Variants in PIGB observed in about 807,000 individuals in gnomAD.
PIGB encodes the protein phosphatidylinositol glycan anchor biosynthesis class B.
A neutral mutation model predicts 68.4 loss-of-function variants in PIGB; 58 were observed. The ratio of observed to expected loss-of-function variants is 0.85; its 90% CI spans 0.69 to 1.06. The LOEUF is 1.06. PIGB is among the 50% of genes least tolerant of loss of function. PIGB has a pLI of 0.00. For missense variants in PIGB, 634 were observed against 655.8 expected, an observed-to-expected ratio of 0.97 and a Z score of 0.36; for synonymous variants, 219 against 220.5, an observed-to-expected ratio of 0.99 and a Z score of 0.06.
intron 9 of PIGB, among the ~76,000 whole-genome samples, chr15:55,348,906 C>T (rs1051792040): frequency 1.3e-5 from 2 of 152,180 alleles, no homozygotes; most frequent in Non-Finnish European, 2.9e-5. Context: ...TCTGCTGTGT[C>T]TGTGATTGGG....
At chr15:55,346,230 CT>C (rs2055791375) in intron 9 of PIGB, 1 of 152,192 alleles carries the variant, frequency 6.6e-6, no homozygotes, top group Non-Finnish European at 1.5e-5. Flanking sequence ...AAGGAACCAC[CT>C]CATGAAGTAT....
intron 3 of PIGB, among the ~76,000 whole-genome samples, chr15:55,321,636 ATAC>A (rs1426861548): frequency 7.2e-6 from 1 of 138,904 alleles, no homozygotes; most frequent in Non-Finnish European, 1.5e-5. Flanking sequence ...CATTAGAAGT[ATAC>A]TTCTTTCTTT....
chr15:55,350,782 A>G lies in PIGB; in HGVS notation c.1207A>G (p.Thr403Ala). Residue 403 changes from threonine (T) to alanine (A), a missense_variant, in exon 10 of 12, where the codon ACT (threonine) becomes GCT (alanine). Coordinates refer to ENST00000164305, the MANE Select transcript of PIGB (RefSeq NM_004855.5). Reference sequence around the variant, plus strand: ...ATCAAATTTGTTCCTCGCCCTTTATACTGGTTTAGTTCATCAACGAGGTAC... The same window carrying G: ...ATCAAATTTGTTCCTCGCCCTTTATGCTGGTTTAGTTCATCAACGAGGTAC... ...FLSNLFLALY[T>A]GLVHQRGTLD... The G allele has an allele frequency of 2.5e-6, 4 of 1,613,066 alleles. No individual in the cohort carries two copies. Among genetic ancestry groups the G allele is most frequent in the Non-Finnish European group, 3.4e-6 (4 of 1,179,206 alleles).
intron 10 of PIGB, among the ~76,000 whole-genome samples, chr15:55,351,309 G>A (rs1446518641): frequency 6.6e-6 from 1 of 151,564 alleles, no homozygotes; most frequent in Non-Finnish European, 1.5e-5. Flanking sequence ...GGGTTTCACC[G>A]TGTTAGCCAG....
chr15:55,319,411 G>C lies in PIGB; in HGVS notation c.161G>C (p.Gly54Ala). 2 of 1,551,660 alleles carry C rather than the reference G, an allele frequency of 1.3e-6. No homozygotes were observed. Among genetic ancestry groups the C allele is most frequent in the South Asian group, 1.2e-5 (1 of 84,048 alleles). The change falls in exon 1 of 12, where the codon GGG becomes GCG. Residue 54 changes from glycine (G) to alanine (A), a missense_variant and splice_region_variant. Physicochemically the swap from Gly to Ala is moderately conservative, Grantham distance 60. Coordinates refer to ENST00000164305, the MANE Select transcript of PIGB (RefSeq NM_004855.5). ...NTQEKSARRR[G>A]DLLGENIYLL... ...CAGGAGAAGAGCGCCAGGCGCCGCGGGGGTGAGTGAGGGGACACTGTCTGG... is the reference window on the plus strand; with the variant it reads ...CAGGAGAAGAGCGCCAGGCGCCGCGCGGGTGAGTGAGGGGACACTGTCTGG...
chr15:55,329,593 C>G, intron 4 of PIGB, 131 bp from the exon 5 acceptor site: 1 of 688,354 alleles, frequency 1.5e-6, no homozygotes, highest in South Asian at 3.0e-5. Flanking sequence ...GGCATGCCTA[C>G]TTACTTTAAC....
At chr15:55,334,099 T>C in intron 6 of PIGB, 92 bp downstream of exon 6, 1 of 857,564 alleles carries the variant, frequency 1.2e-6, no homozygotes, top group Non-Finnish European at 1.7e-6. Context: ...AATTATTTTA[T>C]CTTCTAATGT....
At chr15:55,328,294 G>T (rs754174216) in intron 4 of PIGB, among the ~76,000 whole-genome samples, 14 of 152,258 alleles carry the variant, frequency 9.2e-5, no homozygotes, top group Non-Finnish European at 1.9e-4. Context: ...ACCCTGATGA[G>T]GGATTGGATT....
At chr15:55,342,461 G>C (rs373461740) in intron 9 of PIGB, among the ~76,000 whole-genome samples, 27 of 152,272 alleles carry the variant, frequency 1.8e-4, no homozygotes, top group African/African-American at 6.5e-4. Context: ...CACGATCTTG[G>C]CTCACTGCAA....
chr15:55,350,821 A>G lies in PIGB; in HGVS notation c.1246A>G (p.Ser416Gly), dbSNP rs2055905128. The change falls in exon 10 of 12, where the codon AGT (serine) becomes GGT (glycine). Residue 416 changes from serine (S) to glycine (G), a missense_variant. Coordinates refer to ENST00000164305, the MANE Select transcript of PIGB (RefSeq NM_004855.5). ...TCAACGAGGTACTCTTGATGTCATG[A>G]GTCATATTCAAAAAGTTTGTTACAA... is the stretch of plus-strand genomic sequence containing the variant. ...VHQRGTLDVM[S>G]HIQKVCYNNP... 1.2e-6 allele frequency: 2 copies of G among 1,610,734 alleles called. No homozygotes were observed. Among genetic ancestry groups the G allele is most frequent in the Non-Finnish European group, 1.7e-6 (2 of 1,177,222 alleles).
Position 55,320,361 on chromosome 15 carries a change from C to G in PIGB, c.250C>G (p.Pro84Ala). ...NCFLVQTSFV[P>A]DEYWQSLEVS... ...CTTTTTAGTGCAGACAAGTTTTGTT[C>G]CAGATGAATACTGGCAGTCTCTTGA... Residue 84 changes from proline (P) to alanine (A), a missense_variant, in exon 2 of 12, where the codon CCA becomes GCA. By Grantham distance (27) the Pro-to-Ala change is conservative (BLOSUM62 -1). Coordinates refer to ENST00000164305, the MANE Select transcript of PIGB (RefSeq NM_004855.5). 2.5e-6 allele frequency: 4 copies of G among 1,613,426 alleles called. No homozygotes were observed. The highest frequency in any genetic ancestry group is 3.4e-6 in the Non-Finnish European group (4 of 1,179,480).
intron 9 of PIGB, among the ~76,000 whole-genome samples, chr15:55,342,612 G>A (rs552140973): frequency 6.6e-5 from 10 of 152,206 alleles, no homozygotes; most frequent in African/African-American, 1.4e-4. Context: ...GGCTGGTCTC[G>A]AACTCCTGAC....
intron 5 of PIGB, among the ~76,000 whole-genome samples, chr15:55,333,619 C>G (rs1159386072): frequency 6.6e-6 from 1 of 152,188 alleles, no homozygotes; most frequent in Non-Finnish European, 1.5e-5. Context: ...GTAATCCCAG[C>G]TACTCGGGAT....
chr15:55,340,812 G>T lies in PIGB; in HGVS notation c.1047G>T (p.Leu349=). Residue 349 remains leucine (L), a synonymous_variant, in exon 8 of 12, where the codon CTG becomes CTT. Coordinates refer to ENST00000164305, the MANE Select transcript of PIGB (RefSeq NM_004855.5). The part of the protein sequence containing the change: ...RILLVTVLWT[L]LVYSMLSHKE... ...TTTTGGTGACTGTGCTGTGGACACT[G>T]CTTGTTTATAGGTAAGATTTTATTT... The T allele has an allele frequency of 1.3e-6, 2 of 1,589,722 alleles. No individual in the cohort carries two copies. The highest frequency in any genetic ancestry group is 1.7e-6 in the Non-Finnish European group (2 of 1,164,982).
At position 55,339,323 on chromosome 15, in the gene PIGB, G is replaced by A. The variant is rs2055610498; in HGVS notation, c.846+5G>A. The A allele has an allele frequency of 6.5e-7, 1 of 1,536,222 alleles. No individual in the cohort carries two copies. Among genetic ancestry groups the A allele is most frequent in the Non-Finnish European group, 8.8e-7 (1 of 1,132,676 alleles). On this transcript the variant is annotated splice_donor_5th_base_variant and intron_variant, in intron 7 of 11. Transcript: ENST00000164305. The stretch of plus-strand genomic sequence containing the variant: ...GATCGTATTTTTTTTGGCCAAGTAA[G>A]TAAAAGTATATTAAGCTAACAGCTA...
intron 9 of PIGB, 59 bp downstream of exon 9, chr15:55,341,861 C>T (rs913657298): frequency 6.0e-5 from 40 of 661,760 alleles, no homozygotes; most frequent in Non-Finnish European, 9.2e-5. Context: ...AAAGACAACA[C>T]ATCCTCATTA....
At chr15:55,332,367 T>C (rs999044155) in intron 5 of PIGB, among the ~76,000 whole-genome samples, 2 of 146,506 alleles carry the variant, frequency 1.4e-5, no homozygotes, top group Admixed American at 6.8e-5. Context: ...GAATTCATTC[T>C]TTTTTTTTTT....
rs751619866 is a variant in PIGB at position 55,341,709 on chromosome 15, T to C, written c.1059-29T>C. The C allele has an allele frequency of 1.5e-5, 15 of 975,058 alleles. No homozygotes were observed. The South Asian group carries it at 3.1e-4, about 20-fold the overall frequency. 60.4% of individuals were successfully genotyped at this position (975,058 alleles called of 1,614,324 possible). On this transcript the variant is annotated intron_variant, in intron 8 of 11. Transcript: ENST00000164305. ...CTATCATATAACATGATAATTAATA[T>C]TTTTTAATAATATTTGTTTTTATTA...
intron 5 of PIGB, among the ~76,000 whole-genome samples, chr15:55,332,813 T>A (rs1301789413): frequency 1.3e-5 from 2 of 152,242 alleles, no homozygotes; most frequent in Admixed American, 1.3e-4. Context: ...TCCTCATGAT[T>A]AAATTATCAA....
Sources: allele counts gnomAD v4.1 joint callset (sites outside exome capture counted in the v4.1 genomes callset), GRCh38; gene constraint gnomAD v4.1.1; transcripts MANE v1.5; gene names NCBI Gene and HGNC (gene_info 2026-07-23, HGNC 2026-07-21).